GSN: variants seen among roughly 807,000 people sequenced by gnomAD.
GSN encodes gelsolin.
Under a neutral mutation model 85.7 loss-of-function variants are expected in GSN, and 56 were observed. The ratio of observed to expected loss-of-function variants is 0.65; its 90% CI spans 0.53 to 0.82. GSN has a LOEUF of 0.82. GSN is among the 40% of genes least tolerant of loss of function. The pLI, the probability that GSN is intolerant of heterozygous loss-of-function variation, is 0.00. For missense variants in GSN, 857 were observed against 979.8 expected, an observed-to-expected ratio of 0.87 and a Z score of 1.67; for synonymous variants, 373 against 399.1, an observed-to-expected ratio of 0.93 and a Z score of 0.78.
intron 1 of GSN, among the ~76,000 whole-genome samples, chr9:121,279,054 A>G (rs73660430): frequency 2.3e-3 from 345 of 152,326 alleles, no homozygotes; most frequent in African/African-American, 8.0e-3. Context: ...TCTGGGATAC[A>G]TGGGAGCAAT....
intron 6 of GSN, among the ~76,000 whole-genome samples, chr9:121,256,162 G>A (rs186211347): frequency 1.3e-5 from 2 of 152,298 alleles, no homozygotes; most frequent in East Asian, 1.9e-4. Flanking sequence ...GTAAGAGCGG[G>A]AGGGGAAGGC....
chr9:121,332,402 G>A lies in GSN; in HGVS notation c.2027-32G>A, dbSNP rs62580467. The stretch of plus-strand genomic sequence containing the variant: ...GGTGTGGGAGGCACTAAGAATTCCT[G>A]GGGTTTCCTTTTCTTGCACGTGTGT... On this transcript the variant is annotated intron_variant, in intron 17 of 17. Coordinates refer to ENST00000432226, the MANE Select transcript of GSN (RefSeq NM_198252.3). The surrounding 1 kb of genome is among the most constrained non-coding windows in gnomAD (Gnocchi z 4.8). 12,593 of 1,606,270 alleles carry A rather than the reference G, an allele frequency of 7.8e-3. 82 individuals are homozygous for A. The highest frequency in any genetic ancestry group is 0.029 in the Middle Eastern group (177 of 6,050).
intron 6 of GSN, among the ~76,000 whole-genome samples, chr9:121,249,828 T>C (rs1472957463): frequency 1.3e-5 from 2 of 152,152 alleles, no homozygotes; most frequent in Non-Finnish European, 2.9e-5. Flanking sequence ...GTTCTTGAAA[T>C]TAGGGAAAGA....
intron 7 of GSN, among the ~76,000 whole-genome samples, chr9:121,314,779 TA>T (rs1470206869): frequency 6.6e-6 from 1 of 152,222 alleles, no homozygotes; most frequent in Non-Finnish European, 1.5e-5. Context: ...AATACCCAGT[TA>T]AAAAATCAGC....
At chr9:121,331,130 G>T (rs770184769) in intron 16 of GSN, among the ~76,000 whole-genome samples, 2 of 152,108 alleles carry the variant, frequency 1.3e-5, no homozygotes, top group Non-Finnish European at 2.9e-5. Context: ...AGAGAAGTTG[G>T]AAATCTAGAT....
intron 5 of GSN, among the ~76,000 whole-genome samples, chr9:121,245,865 G>A (rs2054689486): frequency 6.6e-6 from 1 of 152,174 alleles, no homozygotes; most frequent in Non-Finnish European, 1.5e-5. Context: ...TGACCCTCTT[G>A]CCTCAGCCTC....
rs551173997 is a variant in GSN, at chr9:121,327,270, T to C, written c.1588-38T>C. 1.0e-5 allele frequency: 16 copies of C among 1,581,854 alleles called. No individual in the cohort carries two copies. In the Admixed American group the frequency reaches 1.7e-4, roughly 16 times the overall value. On this transcript the variant is annotated intron_variant, in intron 13 of 17. Coordinates refer to ENST00000432226, the MANE Select transcript of GSN (RefSeq NM_198252.3). ...CTGTGAGGAGGGGGCTGAGGGCTTTTTGTCTGGTTCCTGATTAACCAAGCT... is the reference window on the plus strand; with the variant it reads ...CTGTGAGGAGGGGGCTGAGGGCTTTCTGTCTGGTTCCTGATTAACCAAGCT...
chr9:121,302,668 A>C (rs1327715118), intron 3 of GSN, among the ~76,000 whole-genome samples: 2 of 152,078 alleles, frequency 1.3e-5, no homozygotes, highest in Admixed American at 6.6e-5. Context: ...TCCTGAGTTT[A>C]CGCTCAGGAG....
rs1241132330 is a variant in GSN at position 121,240,980 on chromosome 9, A to G, written c.-388-7296A>G. 2.6e-5 allele frequency among the ~76,000 whole-genome samples: 4 copies of G among 152,246 alleles called. No individual in the cohort carries two copies. The East Asian group carries it at 7.7e-4, about 29-fold the overall frequency. On this transcript the variant is annotated intron_variant, in intron 5 of 24. Transcript: ENST00000373823. Reference sequence around the variant, plus strand: ...GTTTGGCTTTTTTAAATATTTGCAGATGGTATAATTCCATCTTGAAAACAA... The same window carrying G: ...GTTTGGCTTTTTTAAATATTTGCAGGTGGTATAATTCCATCTTGAAAACAA...
In GSN at chr9:121,275,990, C is replaced by T. The variant is rs143689068; in HGVS notation, c.-102-5480C>T. 2.5e-3 allele frequency among the ~76,000 whole-genome samples: 385 copies of T among 152,260 alleles called. 2 individuals are homozygous for T. Among genetic ancestry groups the T allele is most frequent in the Admixed American group, 9.0e-3 (137 of 15,296 alleles). On this transcript the variant is annotated intron_variant, in intron 1 of 17. Coordinates refer to ENST00000432226, the MANE Select transcript of GSN (RefSeq NM_198252.3). The stretch of plus-strand genomic sequence containing the variant: ...TTTCTGACATTTAGATTTAACTGGG[C>T]ATCTCATGTTTTATCTGGCAACCCT...
intron 6 of GSN, among the ~76,000 whole-genome samples, chr9:121,251,147 T>C (rs2054822721): frequency 6.7e-6 from 1 of 149,482 alleles, no homozygotes; most frequent in South Asian, 2.1e-4. Context: ...TTTAAGTAAA[T>C]TTTTGAACTG....
In GSN at chr9:121,329,101, A is replaced by G. The variant is rs1427216811; in HGVS notation, c.1887+86A>G. On this transcript the variant is annotated intron_variant, in intron 15 of 17. Transcript: ENST00000432226. This position sits in a 1 kb window ranked among gnomAD's most constrained non-coding sequence, Gnocchi z 4.6. The stretch of plus-strand genomic sequence containing the variant: ...GGCCGGCAGCAGGGGCAGGAGAAAC[A>G]GTTCTGATGGTGTGGCACAGAGGAA... 4 of 1,569,100 alleles carry G rather than the reference A, an allele frequency of 2.5e-6. No individual in the cohort carries two copies. In the African/African-American group the frequency reaches 5.4e-5, roughly 21 times the overall value.
rs1462234420 is a variant in GSN, at chr9:121,299,938, G to T, written c.-9-2025G>T. The stretch of plus-strand genomic sequence containing the variant: ...CTGTGCGCGCTGTCGCTGCCCGTCC[G>T]CGCGGCCACTGCGTCGCGGGGGGCG... On this transcript the variant is annotated intron_variant, in intron 2 of 17. Transcript: ENST00000432226. The surrounding 1 kb of genome is among the most constrained non-coding windows in gnomAD (Gnocchi z 4.2). The T allele has an allele frequency of 4.0e-6, 5 of 1,261,148 alleles. No individual in the cohort carries two copies. The highest frequency in any genetic ancestry group is 3.1e-5 in the African/African-American group (2 of 63,790). 78.1% of individuals were successfully genotyped at this position (1,261,148 alleles called of 1,614,324 possible).
In GSN at chr9:121,287,005, C is replaced by T. The variant is rs4836844; in HGVS notation, c.-10+5443C>T. ...AGGAGGTGTTATTTGCAGATGGGGA[C>T]GTTCATTCCGGGGACGTCCCTATCT... On this transcript the variant is annotated intron_variant, in intron 2 of 17. Coordinates refer to ENST00000432226, the MANE Select transcript of GSN (RefSeq NM_198252.3). Among the ~76,000 whole-genome samples, 475 of 152,268 alleles carry T rather than the reference C, an allele frequency of 3.1e-3. 13 individuals are homozygous for T. Among genetic ancestry groups the T allele is most frequent in the Admixed American group, 0.028 (421 of 15,300 alleles).
At chr9:121,206,205 AC>A (rs1384799063), upstream of GSN, among the ~76,000 whole-genome samples, 1 of 152,224 alleles carries the variant, frequency 6.6e-6, no homozygotes, top group East Asian at 1.9e-4. Context: ...TTCCAGTGAT[AC>A]ATAATTTAAT....
intron 5 of GSN, among the ~76,000 whole-genome samples, chr9:121,246,985 C>G (rs958667645): frequency 1.3e-5 from 2 of 152,034 alleles, no homozygotes; most frequent in Non-Finnish European, 2.9e-5. Context: ...TTCCCAGAGA[C>G]GTGTAGGTGG....
chr9:121,324,545 C>G lies in GSN; in HGVS notation c.1326-9C>G, dbSNP rs1174593673. On this transcript the variant is annotated splice_polypyrimidine_tract_variant and intron_variant, in intron 11 of 17. Transcript: ENST00000432226. ...GCACCCTGATGCTGAATCTCACTTC[C>G]CCTTCCAGGCAGGGTGCCCAGTCTA... The G allele has an allele frequency of 6.9e-7, 1 of 1,453,278 alleles. No homozygotes were observed. The highest frequency in any genetic ancestry group is 9.4e-7 in the Non-Finnish European group (1 of 1,059,128). 90.0% of individuals were successfully genotyped at this position (1,453,278 alleles called of 1,614,324 possible). A position where few individuals can be genotyped will look rare whatever the true frequency, so the allele number is the denominator to read the frequency against.
chr9:121,228,042 A>T (rs2054303421), intron 4 of GSN, among the ~76,000 whole-genome samples: 1 of 152,150 alleles, frequency 6.6e-6, no homozygotes, highest in Non-Finnish European at 1.5e-5. Context: ...GCAACCAGGA[A>T]GTGGACACCC....
At chr9:121,214,803 G>C (rs1470871970) in intron 4 of GSN, among the ~76,000 whole-genome samples, 1 of 152,202 alleles carries the variant, frequency 6.6e-6, no homozygotes, top group Non-Finnish European at 1.5e-5. Flanking sequence ...CTATGCCTTA[G>C]ATGGATGAGC....
Sources: allele counts gnomAD v4.1 joint callset (sites outside exome capture counted in the v4.1 genomes callset), GRCh38; gene constraint gnomAD v4.1.1; non-coding constraint Gnocchi (gnomAD v3.1); transcripts MANE v1.5; gene names NCBI Gene and HGNC (gene_info 2026-07-23, HGNC 2026-07-21).